The following CNTNAP5 variants were observed in gnomAD, a reference collection of about 807,000 sequenced individuals.
CNTNAP5 encodes contactin associated protein family member 5.
A neutral mutation model predicts 150.2 loss-of-function variants in CNTNAP5; 72 were observed. The observed-to-expected ratio is 0.48, with a 90% CI of 0.40 to 0.58. The LOEUF is 0.58. Among genes scored for constraint, CNTNAP5 ranks in the 20% least tolerant of loss-of-function variants. The pLI is 0.00. For synonymous variants in CNTNAP5, 672 were observed against 619.8 expected (o/e 1.08, Z -1.25); for missense variants, 1,636 against 1,626.2 (o/e 1.01, Z -0.10).
intron 8 of CNTNAP5, among the ~76,000 whole-genome samples, chr2:124,510,387 A>ACACACC (rs1553474693): frequency 2.4e-5 from 3 of 123,428 alleles, no homozygotes; most frequent in African/African-American, 9.3e-5. Flanking sequence ...ACACACACAC[A>ACACACC]CAAATATTCA....
chr2:124,594,329 G>A (rs1402466095), intron 11 of CNTNAP5, among the ~76,000 whole-genome samples: 4 of 149,374 alleles, frequency 2.7e-5, no homozygotes, highest in South Asian at 2.2e-4. Flanking sequence ...TGTAAGGAAG[G>A]GATCCAGTTT....
Position 124,900,080 on chromosome 2 carries a change from A to T in CNTNAP5, c.3437-2802A>T, listed in dbSNP as rs79499333. On this transcript the variant is annotated intron_variant, in intron 21 of 23. Coordinates refer to ENST00000682447, the MANE Select transcript of CNTNAP5 (RefSeq NM_001367498.1). ...ATCTCAACCCTGCTACGTGATCTTC[A>T]GTACATCTTTGAACTTCTTCGAGTC... Among the ~76,000 whole-genome samples, 294 of 151,430 alleles carry T rather than the reference A, an allele frequency of 1.9e-3. 3 individuals are homozygous for T. Among genetic ancestry groups the T allele is most frequent in the Non-Finnish European group, 3.5e-3 (241 of 67,974 alleles).
intron 7 of CNTNAP5, among the ~76,000 whole-genome samples, chr2:124,478,994 G>GA (rs1421446355): frequency 8.5e-5 from 13 of 152,098 alleles, no homozygotes; most frequent in Non-Finnish European, 1.9e-4. Context: ...CCACTCCCTG[G>GA]AGACTTAACA....
intron 11 of CNTNAP5, among the ~76,000 whole-genome samples, chr2:124,571,465 T>C (rs77809778): frequency 1.3e-5 from 2 of 151,114 alleles, no homozygotes; most frequent in African/African-American, 2.4e-5. Flanking sequence ...GTTTCAGGAA[T>C]AGACTATTCA....
chr2:124,647,768 C>A lies in CNTNAP5; in HGVS notation c.1887C>A (p.Ile629=). The change falls in exon 13 of 24, where the codon ATC becomes ATA. Residue 629 remains isoleucine, a synonymous_variant. Transcript: ENST00000682447. ...GTGTTGTCTGGGCAGAGGACAAGAT[C>A]TGGACATCAGTGCAGCACAACAATA... is the stretch of plus-strand genomic sequence containing the variant. ...QVYCNITEDK[I]WTSVQHNNTE... is the part of the protein sequence containing the mutation. 6.3e-7 allele frequency: 1 copy of A among 1,595,740 alleles called. No homozygotes were observed. Among genetic ancestry groups the A allele is most frequent in the Non-Finnish European group, 8.6e-7 (1 of 1,166,582 alleles).
chr2:124,239,253 T>C (rs2104763112), intron 2 of CNTNAP5, among the ~76,000 whole-genome samples: 1 of 152,298 alleles, frequency 6.6e-6, no homozygotes, highest in East Asian at 1.9e-4. Context: ...TTTTATTCTT[T>C]GCAAGCTAAA....
intron 14 of CNTNAP5, among the ~76,000 whole-genome samples, chr2:124,761,916 T>C (rs1680963186): frequency 6.6e-6 from 1 of 152,054 alleles, no homozygotes; most frequent in Non-Finnish European, 1.5e-5. Flanking sequence ...TGCCAGAATG[T>C]GTATGAAAGG....
intron 8 of CNTNAP5, among the ~76,000 whole-genome samples, chr2:124,511,224 C>G (rs753077611): frequency 6.6e-6 from 1 of 152,176 alleles, no homozygotes; most frequent in Non-Finnish European, 1.5e-5. Context: ...ATAGGGCAGA[C>G]TGTTTTGAAT....
At chr2:124,449,665 A>G (rs948713008) in intron 6 of CNTNAP5, among the ~76,000 whole-genome samples, 3 of 152,196 alleles carry the variant, frequency 2.0e-5, no homozygotes, top group African/African-American at 4.8e-5. Context: ...GCTTTATAAA[A>G]TGTGCTCCCT....
At chr2:124,259,543 G>T (rs1165310953) in intron 3 of CNTNAP5, among the ~76,000 whole-genome samples, 2 of 151,976 alleles carry the variant, frequency 1.3e-5, no homozygotes, top group Non-Finnish European at 2.9e-5. Context: ...TTTTAATGAT[G>T]GCCATTCTAA....
intron 12 of CNTNAP5, among the ~76,000 whole-genome samples, chr2:124,619,554 T>A (rs1315586240): frequency 1.3e-5 from 2 of 152,160 alleles, no homozygotes. Flanking sequence ...GAATGTTTCC[T>A]GTAAAAGTGT....
chr2:124,104,923 T>C (rs145043366), intron 1 of CNTNAP5, among the ~76,000 whole-genome samples: 11 of 152,302 alleles, frequency 7.2e-5, no homozygotes, highest in African/African-American at 2.2e-4. Context: ...CAGTTAGAAA[T>C]GTGCATAATC....
chr2:124,861,579 C>G (rs1325298521), intron 19 of CNTNAP5, among the ~76,000 whole-genome samples: 3 of 151,852 alleles, frequency 2.0e-5, no homozygotes, highest in Admixed American at 6.6e-5. Flanking sequence ...CAGAGTGAGA[C>G]TCCATCTCAA....
intron 17 of CNTNAP5, among the ~76,000 whole-genome samples, chr2:124,782,455 TAAAC>T (rs1681473217): frequency 6.6e-6 from 1 of 152,236 alleles, no homozygotes; most frequent in African/African-American, 2.4e-5. Flanking sequence ...ATGTGGACCT[TAAAC>T]AGTAGGAAAG....
rs544759608 is a variant in CNTNAP5, at chr2:124,242,446, C to T, written c.381+53C>T. On this transcript the variant is annotated intron_variant, in intron 3 of 23. Transcript: ENST00000682447. ...TAAAACTGAGATGTGCTAATGGTAA[C>T]CAGAGTATATTTCCGTCATTTTCCA... is the stretch of plus-strand genomic sequence containing the variant. 6 of 1,498,350 alleles carry T rather than the reference C, an allele frequency of 4.0e-6. No individual in the cohort carries two copies. In the South Asian group the frequency reaches 5.9e-5, roughly 15 times the overall value. 92.8% of individuals were successfully genotyped at this position (1,498,350 alleles called of 1,614,324 possible). A position where few individuals can be genotyped will look rare whatever the true frequency, so the allele number is the denominator to read the frequency against.
At chr2:124,389,378 C>T (rs1346808890) in intron 3 of CNTNAP5, among the ~76,000 whole-genome samples, 1 of 152,116 alleles carries the variant, frequency 6.6e-6, no homozygotes, top group African/African-American at 2.4e-5. Flanking sequence ...TGCTTAGTGT[C>T]TGTGACATTC....
intron 21 of CNTNAP5, among the ~76,000 whole-genome samples, chr2:124,899,713 C>G (rs1349338005): frequency 6.6e-6 from 1 of 151,216 alleles, no homozygotes; most frequent in East Asian, 1.9e-4. Context: ...TTTGAGGAGC[C>G]ATATTCACTA....
At chr2:124,853,556 T>C (rs940671704) in intron 19 of CNTNAP5, among the ~76,000 whole-genome samples, 1 of 152,210 alleles carries the variant, frequency 6.6e-6, no homozygotes, top group Non-Finnish European at 1.5e-5. Context: ...GTTTACATCA[T>C]AGTTAATAGT....
chr2:124,441,451 T>A (rs1692672025), intron 5 of CNTNAP5, among the ~76,000 whole-genome samples: 1 of 152,124 alleles, frequency 6.6e-6, no homozygotes, highest in African/African-American at 2.4e-5. Flanking sequence ...TTGTGCCTTT[T>A]CCAGAATTGT....
Sources: gnomAD v4.1 joint callset for allele counts (sites outside exome capture counted in the v4.1 genomes callset) on GRCh38, gnomAD v4.1.1 for gene constraint, MANE v1.5 for transcripts, NCBI Gene and HGNC (gene_info 2026-07-23, HGNC 2026-07-21) for gene names.